The following PCSK2 variants were observed in gnomAD, a reference collection of about 807,000 sequenced individuals.
The protein encoded by PCSK2 is neuroendocrine convertase 2.
A neutral mutation model predicts 69.7 loss-of-function variants in PCSK2; 14 were observed. The observed-to-expected ratio is 0.20, with a 90% CI of 0.13 to 0.31. PCSK2 has a LOEUF of 0.31. PCSK2 is among the 10% of genes least tolerant of loss of function. PCSK2 has a pLI of 1.00. For synonymous variants in PCSK2, 307 were observed against 320.7 expected (o/e 0.96, Z 0.46); for missense variants, 544 against 842.5 (o/e 0.65, Z 4.39).
At chr20:17,348,050 G>GGAAAGAAAGAAAGAAA (rs200387593) in intron 2 of PCSK2, among the ~76,000 whole-genome samples, 131 of 86,894 alleles carry the variant, frequency 1.5e-3, no homozygotes, top group South Asian at 2.3e-3. Flanking sequence ...AAGAAAGAAA[G>GGAAAGAAAGAAAGAAA]GAAAGAAAGA....
At chr20:17,443,509 C>A (rs1245668104) in intron 8 of PCSK2, among the ~76,000 whole-genome samples, 2 of 152,114 alleles carry the variant, frequency 1.3e-5, no homozygotes, top group African/African-American at 4.8e-5. Context: ...ACAGCAGGTG[C>A]CCAGGGGAAC....
At chr20:17,232,685 T>C (rs1288520663) in intron 1 of PCSK2, among the ~76,000 whole-genome samples, 1 of 152,234 alleles carries the variant, frequency 6.6e-6, no homozygotes, top group Non-Finnish European at 1.5e-5. Context: ...CTTTTACTTC[T>C]ACTTTGTCAG....
chr20:17,393,863 A>G (rs2123276701), intron 5 of PCSK2, among the ~76,000 whole-genome samples: 1 of 152,368 alleles, frequency 6.6e-6, no homozygotes, highest in African/African-American at 2.4e-5. Context: ...GCACATTAAA[A>G]AAGGAGGCTT....
intron 2 of PCSK2, among the ~76,000 whole-genome samples, chr20:17,273,360 T>C (rs1010211233): frequency 2.6e-5 from 4 of 152,130 alleles, no homozygotes; most frequent in Admixed American, 2.6e-4. Context: ...ACAATGAAAG[T>C]CCAAATGACT....
At chr20:17,389,493 T>C (rs1248913811) in intron 5 of PCSK2, among the ~76,000 whole-genome samples, 1 of 152,008 alleles carries the variant, frequency 6.6e-6, no homozygotes, top group Non-Finnish European at 1.5e-5. Flanking sequence ...CGACTGAACC[T>C]GAAGAAACAG....
chr20:17,437,008 C>A, intron 8 of PCSK2, 125 bp downstream of exon 8: 3 of 810,084 alleles, frequency 3.7e-6, no homozygotes, highest in Non-Finnish European at 5.7e-6. Flanking sequence ...AGGAATCAGA[C>A]AGCACAGGGG....
intron 1 of PCSK2, among the ~76,000 whole-genome samples, chr20:17,250,006 T>G (rs1255602980): frequency 6.6e-6 from 1 of 152,192 alleles, no homozygotes; most frequent in Non-Finnish European, 1.5e-5. Flanking sequence ...TTATATATAT[T>G]TATCACAATA....
At chr20:17,391,888 G>T (rs1038676989) in intron 5 of PCSK2, among the ~76,000 whole-genome samples, 5 of 143,542 alleles carry the variant, frequency 3.5e-5, no homozygotes, top group Non-Finnish European at 7.5e-5. Flanking sequence ...AAAAAAGAAA[G>T]AGAGAGAGAA....
intron 1 of PCSK2, among the ~76,000 whole-genome samples, chr20:17,248,104 C>T (rs2122968456): frequency 6.6e-6 from 1 of 152,066 alleles, no homozygotes; most frequent in East Asian, 1.9e-4. Context: ...TCTTCATTCA[C>T]TTCTTTTTCT....
In PCSK2 at chr20:17,263,387, T is replaced by G. The variant is rs78282234; in HGVS notation, c.282+3043T>G. 2.5e-3 allele frequency among the ~76,000 whole-genome samples: 377 copies of G among 152,366 alleles called. 7 individuals carry two copies. Among genetic ancestry groups the G allele is most frequent in the East Asian group, 0.024 (124 of 5,186 alleles). On this transcript the variant is annotated intron_variant, in intron 2 of 11. Coordinates refer to ENST00000262545, the MANE Select transcript of PCSK2 (RefSeq NM_002594.5). ...GTTCGCTTCTCTTTCCAGTTCTTCC[T>G]GCTAAAAGATTAGCTGACTGCCAAG...
chr20:17,237,393 T>A (rs1304331794), intron 1 of PCSK2, among the ~76,000 whole-genome samples: 1 of 152,164 alleles, frequency 6.6e-6, no homozygotes, highest in Non-Finnish European at 1.5e-5. Context: ...GGAAGACTGT[T>A]GAGAGAAAAC....
chr20:17,257,036 G>A (rs993228959), intron 1 of PCSK2, among the ~76,000 whole-genome samples: 3 of 152,010 alleles, frequency 2.0e-5, no homozygotes, highest in African/African-American at 7.3e-5. Context: ...GGGCATTTGA[G>A]TTGGTTCCAA....
intron 6 of PCSK2, among the ~76,000 whole-genome samples, chr20:17,427,331 G>A (rs979344647): frequency 1.3e-5 from 2 of 152,172 alleles, no homozygotes; most frequent in Non-Finnish European, 2.9e-5. Context: ...AAATCACTCT[G>A]ATGGAAAAGC....
intron 2 of PCSK2, among the ~76,000 whole-genome samples, chr20:17,312,107 A>G (rs1989536639): frequency 1.3e-5 from 2 of 152,212 alleles, no homozygotes; most frequent in Middle Eastern, 3.2e-3. Flanking sequence ...GGTTCTTTAC[A>G]AAGCAGATGA....
At chr20:17,303,263 T>C (rs1989149662) in intron 2 of PCSK2, among the ~76,000 whole-genome samples, 1 of 140,446 alleles carries the variant, frequency 7.1e-6, no homozygotes, top group South Asian at 2.1e-4. Flanking sequence ...TAATATATAT[T>C]AGTATAACCA....
chr20:17,340,217 T>C (rs1268800101), intron 2 of PCSK2, among the ~76,000 whole-genome samples: 1 of 152,206 alleles, frequency 6.6e-6, no homozygotes, highest in Admixed American at 6.5e-5. Context: ...TGAAAAGATA[T>C]CTGACTTGAG....
chr20:17,456,607 GT>G (rs1266395154), intron 10 of PCSK2, among the ~76,000 whole-genome samples, 159 bp downstream of exon 10: 5 of 152,208 alleles, frequency 3.3e-5, no homozygotes, highest in African/African-American at 1.2e-4. Flanking sequence ...AGTGGCCCAT[GT>G]GCCCACCAGC....
At chr20:17,354,151 C>G (rs544620699) in intron 2 of PCSK2, among the ~76,000 whole-genome samples, 2 of 152,100 alleles carry the variant, frequency 1.3e-5, no homozygotes, top group African/African-American at 4.8e-5. Context: ...GAAATTACAA[C>G]AAAATTTTTT....
At chr20:17,357,486 T>C (rs548351557) in intron 2 of PCSK2, among the ~76,000 whole-genome samples, 3 of 152,264 alleles carry the variant, frequency 2.0e-5, no homozygotes, top group South Asian at 2.1e-4. Context: ...AGAAAAATTA[T>C]ACATGCTGTT....
Sources: allele counts gnomAD v4.1 joint callset (sites outside exome capture counted in the v4.1 genomes callset), GRCh38; gene constraint gnomAD v4.1.1; transcripts MANE v1.5; gene names NCBI Gene and HGNC (gene_info 2026-07-23, HGNC 2026-07-21).